The following TTLL5 variants were observed in gnomAD, a reference collection of about 807,000 sequenced individuals.
TTLL5 encodes the protein tubulin polyglutamylase TTLL5.
A neutral mutation model predicts 168.4 loss-of-function variants in TTLL5; 132 were observed. The ratio of observed to expected loss-of-function variants is 0.78; its 90% confidence interval spans 0.68 to 0.91. The LOEUF (loss-of-function observed/expected upper bound fraction) is 0.91, where lower values mean the gene tolerates loss of function less well. Ranked by LOEUF, TTLL5 falls within the 40% of genes least tolerant of loss-of-function variation. The pLI is 0.00. For missense variants in TTLL5, 1,545 were observed against 1,581.5 expected (o/e 0.98, Z 0.39); for synonymous variants, 546 against 558.6 (o/e 0.98, Z 0.32).
At position 75,681,575 on chromosome 14, in the gene TTLL5, G is replaced by T. The variant is rs775184984; in HGVS notation, c.212G>T (p.Arg71Leu). ...ERYHLSYKIV[R>L]TDSRLVRSIL... ...TATCATTTGTCTTATAAGATTGTAC[G>T]AACGGACAGTCGCCTAGTACGCAGC... Residue 71 changes from arginine (R) to leucine (L), a missense_variant, in exon 4 of 32, where the codon CGA (arginine) becomes CTA (leucine). By Grantham distance (102) the Arg-to-Leu change is moderately radical. Transcript: ENST00000298832. The T allele has an allele frequency of 3.1e-6, 5 of 1,613,192 alleles. No homozygotes were observed. The highest frequency in any genetic ancestry group is 2.7e-5 in the African/African-American group (2 of 74,858).
chr14:75,942,826 G>A (rs999714333), intron 31 of TTLL5, among the ~76,000 whole-genome samples: 4 of 152,194 alleles, frequency 2.6e-5, no homozygotes, highest in African/African-American at 4.8e-5. Flanking sequence ...GATAGTTGCC[G>A]AACTGGCATG....
intron 31 of TTLL5, chr14:75,902,469 C>G: frequency 1.5e-6 from 1 of 657,550 alleles, no homozygotes; most frequent in Non-Finnish European, 2.8e-6. Context: ...AAAATGCTGT[C>G]AGATTTGCAG....
intron 28 of TTLL5, among the ~76,000 whole-genome samples, chr14:75,856,243 A>G (rs1897117740): frequency 6.6e-6 from 1 of 152,144 alleles, no homozygotes; most frequent in South Asian, 2.1e-4. Context: ...CATACCTGTA[A>G]TCCCAGCTAC....
intron 27 of TTLL5, among the ~76,000 whole-genome samples, chr14:75,807,713 A>G (rs928043031): frequency 3.3e-5 from 5 of 152,186 alleles, no homozygotes; most frequent in African/African-American, 1.2e-4. Context: ...TCTTTACCTC[A>G]GTGTTTTTCT....
intron 30 of TTLL5, among the ~76,000 whole-genome samples, chr14:75,899,811 CAAGAGTTTT>C (rs557931527): frequency 1.3e-5 from 2 of 152,074 alleles, no homozygotes; most frequent in Non-Finnish European, 2.9e-5. Flanking sequence ...GGAAAAGTTT[CAAGAGTTTT>C]AAAGACCCAG....
chr14:75,907,802 T>G (rs2033204381), intron 31 of TTLL5, among the ~76,000 whole-genome samples: 1 of 152,176 alleles, frequency 6.6e-6, no homozygotes, highest in African/African-American at 2.4e-5. Context: ...GATGAACAAC[T>G]AATAAAATAT....
intron 3 of TTLL5, among the ~76,000 whole-genome samples, chr14:75,673,211 AGT>A (rs1883880806): frequency 6.6e-6 from 1 of 152,102 alleles, no homozygotes; most frequent in Admixed American, 6.5e-5. Context: ...AGTCTCCTAA[AGT>A]GTTGGGATTA....
intron 19 of TTLL5, 151 bp from the exon 20 acceptor site, chr14:75,765,911 T>G: frequency 1.7e-6 from 1 of 594,232 alleles, no homozygotes. Context: ...ATATATGAGA[T>G]TAGAGAGTGA....
chr14:75,846,553 G>A (rs1044759504), intron 28 of TTLL5, among the ~76,000 whole-genome samples: 55 of 152,274 alleles, frequency 3.6e-4, no homozygotes, highest in Middle Eastern at 6.8e-3. Context: ...CACTTTGGGA[G>A]GCCGAGGCGG....
intron 28 of TTLL5, among the ~76,000 whole-genome samples, chr14:75,829,132 C>G (rs1178447933): frequency 6.6e-6 from 1 of 152,184 alleles, no homozygotes; most frequent in East Asian, 1.9e-4. Flanking sequence ...AAATTTATCA[C>G]TCTGGCTGGA....
At chr14:75,798,186 C>T (rs1893094215) in intron 27 of TTLL5, among the ~76,000 whole-genome samples, 1 of 151,948 alleles carries the variant, frequency 6.6e-6, no homozygotes, top group Non-Finnish European at 1.5e-5. Context: ...TTGTATATTT[C>T]CAGGAATTTA....
At chr14:75,871,086 C>T (rs747148264) in intron 29 of TTLL5, among the ~76,000 whole-genome samples, 2 of 152,188 alleles carry the variant, frequency 1.3e-5, no homozygotes, top group African/African-American at 2.4e-5. Flanking sequence ...TGAGCCACCA[C>T]GCCCGGCCTA....
intron 18 of TTLL5, chr14:75,757,824 T>G: frequency 3.8e-6 from 6 of 1,590,246 alleles, no homozygotes; most frequent in Non-Finnish European, 5.1e-6. Context: ...CCTTTCTGCT[T>G]CTGTAGGGGA....
At chr14:75,681,942 C>A (rs190070498) in intron 4 of TTLL5, among the ~76,000 whole-genome samples, 2 of 152,020 alleles carry the variant, frequency 1.3e-5, no homozygotes, top group Non-Finnish European at 2.9e-5. Context: ...ACTGAACAGA[C>A]TTTGCTTAAC....
intron 15 of TTLL5, among the ~76,000 whole-genome samples, chr14:75,739,144 A>G (rs1889092437): frequency 6.6e-6 from 1 of 151,932 alleles, no homozygotes; most frequent in African/African-American, 2.4e-5. Context: ...TCTCATTATC[A>G]ATTTTAATTC....
At chr14:75,740,344 C>T (rs1889175614) in intron 15 of TTLL5, among the ~76,000 whole-genome samples, 1 of 152,030 alleles carries the variant, frequency 6.6e-6, no homozygotes, top group African/African-American at 2.4e-5. Flanking sequence ...CATTATTTTA[C>T]TAGGGATTCG....
intron 15 of TTLL5, among the ~76,000 whole-genome samples, chr14:75,743,990 T>C (rs1412981591): frequency 6.6e-6 from 1 of 152,160 alleles, no homozygotes; most frequent in Non-Finnish European, 1.5e-5. Flanking sequence ...TGCTGTCACA[T>C]TGGAGGTTAG....
At chr14:75,855,833 C>T (rs1046013009) in intron 28 of TTLL5, among the ~76,000 whole-genome samples, 6 of 152,112 alleles carry the variant, frequency 3.9e-5, no homozygotes, top group African/African-American at 1.2e-4. Flanking sequence ...TTCTTTAGAG[C>T]GACATAATAC....
chr14:75,823,031 G>A (rs1189152316), intron 28 of TTLL5, among the ~76,000 whole-genome samples: 1 of 152,204 alleles, frequency 6.6e-6, no homozygotes, highest in African/African-American at 2.4e-5. Context: ...GGAAGAGAAA[G>A]TAGTTAGAGC....
Sources: gnomAD v4.1 joint callset for allele counts (sites outside exome capture counted in the v4.1 genomes callset) on GRCh38, gnomAD v4.1.1 for gene constraint, MANE v1.5 for transcripts, NCBI Gene and HGNC (gene_info 2026-07-23, HGNC 2026-07-21) for gene names.